Variants in CRB1 observed in about 807,000 individuals in gnomAD.
The protein encoded by CRB1 is crumbs cell polarity complex component 1.
CRB1 carries 83 observed loss-of-function variants against 120.0 expected under a neutral mutation model. The ratio of observed to expected loss-of-function variants is 0.69; its 90% CI spans 0.58 to 0.83. The LOEUF is 0.83. Among genes scored for constraint, CRB1 ranks in the 40% least tolerant of loss-of-function variants. CRB1 has a pLI of 0.00. For missense variants in CRB1, 1,699 were observed against 1,687.6 expected (o/e 1.01, Z -0.12); for synonymous variants, 625 against 612.5 (o/e 1.02, Z -0.30).
chr1:197,446,446 T>G (rs1665706139), intron 11 of CRB1, among the ~76,000 whole-genome samples: 1 of 152,032 alleles, frequency 6.6e-6, no homozygotes, highest in Non-Finnish European at 1.5e-5. Flanking sequence ...TATCACAGGG[T>G]GGCAGTGCTG....
At chr1:197,262,663 GTT>G in the CRB1 span, among the ~76,000 whole-genome samples, 1 of 152,054 alleles carries the variant, frequency 6.6e-6, no homozygotes, top group East Asian at 1.9e-4. Flanking sequence ...CCAATAGGTA[GTT>G]TTCAGCCCTT....
At chr1:197,298,521 G>C (rs1485940802) in intron 1 of CRB1, among the ~76,000 whole-genome samples, 1 of 152,022 alleles carries the variant, frequency 6.6e-6, no homozygotes, top group Non-Finnish European at 1.5e-5. Context: ...CAGTGTTTTG[G>C]ACAAAATGAA....
At chr1:197,380,474 C>A (rs994102507) in intron 5 of CRB1, among the ~76,000 whole-genome samples, 1 of 152,100 alleles carries the variant, frequency 6.6e-6, no homozygotes, top group African/African-American at 2.4e-5. Flanking sequence ...CTAAGGGTAT[C>A]CAGTATCTCT....
chr1:197,287,891 A>G (rs1655923561), intron 1 of CRB1, among the ~76,000 whole-genome samples: 2 of 152,002 alleles, frequency 1.3e-5, no homozygotes, highest in South Asian at 4.1e-4. Context: ...AAAAAAAGCA[A>G]CCTGGCAACA....
At chr1:197,453,318 TA>T (rs1558151531) in intron 11 of CRB1, among the ~76,000 whole-genome samples, 1 of 146,250 alleles carries the variant, frequency 6.8e-6, no homozygotes, top group East Asian at 2.0e-4. Flanking sequence ...TATATTTATA[TA>T]TAATAAGTAT....
chr1:197,305,947 A>T (rs1657147769), intron 1 of CRB1, among the ~76,000 whole-genome samples: 1 of 151,880 alleles, frequency 6.6e-6, no homozygotes, highest in Non-Finnish European at 1.5e-5. Context: ...AGCCTGCAAC[A>T]TTATCAGTCT....
the CRB1 span, among the ~76,000 whole-genome samples, chr1:197,244,284 A>G: frequency 6.6e-6 from 1 of 152,058 alleles, no homozygotes; most frequent in Non-Finnish European, 1.5e-5. Context: ...GGTCTTTACA[A>G]TTTGGTATGT....
At chr1:197,404,441 C>CAAAAAAAAAAAAAAAAAAA (rs558125777) in intron 5 of CRB1, among the ~76,000 whole-genome samples, 4 of 58,718 alleles carry the variant, frequency 6.8e-5, no homozygotes, top group African/African-American at 2.3e-4. Context: ...GACTCCGTCT[C>CAAAAAAAAAAAAAAAAAAA]AAAAAAAAAA....
intron 11 of CRB1, among the ~76,000 whole-genome samples, chr1:197,456,892 C>T (rs1274204551): frequency 1.1e-4 from 17 of 152,208 alleles, no homozygotes; most frequent in South Asian, 2.1e-4. Context: ...GCTTAAAAAT[C>T]GTAGTGGTTT....
chr1:197,453,466 AATAT>A (rs1343498589), intron 11 of CRB1, among the ~76,000 whole-genome samples: 2 of 145,908 alleles, frequency 1.4e-5, no homozygotes, highest in Admixed American at 7.0e-5. Flanking sequence ...TTGGTATATA[AATAT>A]ATACATTAAA....
intron 6 of CRB1, 69 bp downstream of exon 6, chr1:197,422,025 G>T: frequency 7.0e-7 from 1 of 1,426,858 alleles, no homozygotes; most frequent in South Asian, 1.2e-5. Context: ...AGCAAAAACA[G>T]CCAGACTGCT....
the CRB1 span, among the ~76,000 whole-genome samples, chr1:197,232,366 G>T: frequency 2.0e-5 from 3 of 152,102 alleles, no homozygotes; most frequent in African/African-American, 7.2e-5. Flanking sequence ...TGGTGGAAAT[G>T]ACACTCTAAG....
At chr1:197,203,967 C>G in the CRB1 span, among the ~76,000 whole-genome samples, 22 of 151,892 alleles carry the variant, frequency 1.4e-4, no homozygotes, top group African/African-American at 4.3e-4. Context: ...TTCCCTGAAT[C>G]CCCAGAGTCC....
Position 197,359,772 on chromosome 1 carries a change from G to GT in CRB1, c.1171+2767dup, listed in dbSNP as rs557040991. Among the ~76,000 whole-genome samples, 5 of 151,900 alleles carry GT rather than the reference G, an allele frequency of 3.3e-5. No homozygotes were observed. The East Asian group carries it at 5.8e-4, about 18-fold the overall frequency. Reference sequence around the variant, plus strand: ...CTCACCAGCATTTAATGTTATCACTGTTTTTTTTAATAGTCATGTTGATAG... The same window carrying GT: ...CTCACCAGCATTTAATGTTATCACTGTTTTTTTTTAATAGTCATGTTGATAG... On this transcript the variant is annotated intron_variant, in intron 5 of 11. Coordinates refer to ENST00000367400, the MANE Select transcript of CRB1 (RefSeq NM_201253.3).
chr1:197,285,482 A>G (rs1340471061), intron 1 of CRB1, among the ~76,000 whole-genome samples: 2 of 151,948 alleles, frequency 1.3e-5, no homozygotes, highest in Admixed American at 6.6e-5. Context: ...GTTACTACTT[A>G]TAAAGCCTCT....
intron 10 of CRB1, chr1:197,440,574 C>T (rs1665383910): frequency 6.6e-6 from 1 of 152,128 alleles, no homozygotes; most frequent in South Asian, 2.1e-4. Context: ...AATAAAAATG[C>T]CAATGATGCT....
chr1:197,240,968 T>C, the CRB1 span, among the ~76,000 whole-genome samples: 3 of 152,234 alleles, frequency 2.0e-5, no homozygotes, highest in Non-Finnish European at 4.4e-5. Flanking sequence ...TGAACTTTTC[T>C]CATATGTTTG....
chr1:197,292,390 C>G (rs947415724), intron 1 of CRB1, among the ~76,000 whole-genome samples: 1 of 152,110 alleles, frequency 6.6e-6, no homozygotes, highest in African/African-American at 2.4e-5. Flanking sequence ...AGACCAATAA[C>G]AGGCTCTGAA....
chr1:197,365,010 G>T (rs756677266), intron 5 of CRB1, among the ~76,000 whole-genome samples: 1 of 149,888 alleles, frequency 6.7e-6, no homozygotes, highest in Non-Finnish European at 1.5e-5. Context: ...TTGAATTTTT[G>T]AATTTAGCAG....
Sources: allele counts gnomAD v4.1 joint callset (sites outside exome capture counted in the v4.1 genomes callset), GRCh38; gene constraint gnomAD v4.1.1; transcripts MANE v1.5; gene names NCBI Gene and HGNC (gene_info 2026-07-23, HGNC 2026-07-21).